The following FAM135A variants were observed in gnomAD, a reference collection of about 807,000 sequenced individuals.
FAM135A encodes protein FAM135A.
In FAM135A, 79 loss-of-function variants were observed where a neutral mutation model predicts 146.8. The ratio of observed to expected loss-of-function variants is 0.54; its 90% confidence interval spans 0.45 to 0.65. The LOEUF is 0.65. Ranked by LOEUF, FAM135A falls within the 30% of genes least tolerant of loss-of-function variation. The probability of loss-of-function intolerance (pLI) is 0.00; values close to 1 mark genes in which losing one functional copy is unlikely to be tolerated. For synonymous variants in FAM135A, 562 were observed against 603.6 expected, an observed-to-expected ratio of 0.93 and a Z score of 1.01; for missense variants, 1,623 against 1,758.2, an observed-to-expected ratio of 0.92 and a Z score of 1.38.
At position 70,526,161 on chromosome 6, in the gene FAM135A, C is replaced by T; in HGVS notation, c.3077C>T (p.Pro1026Leu). The T allele has an allele frequency of 6.2e-7, 1 of 1,613,474 alleles. No individual in the cohort carries two copies. Among genetic ancestry groups the T allele is most frequent in the Non-Finnish European group, 8.5e-7 (1 of 1,179,630 alleles). ...ESETHLGTSD[P>L]FSASTDIVKQ... ...GAAACTCATCTGGGTACAAGTGATC[C>T]TTTTTCAGCCAGTACTGATATAGTA... Residue 1026 changes from proline to leucine, a missense_variant, in exon 15 of 22, where the codon CCT (proline) becomes CTT (leucine). Pro to Leu is a moderately conservative substitution (Grantham distance 98, BLOSUM62 -3). Around this residue, in one of 7 missense-constraint regions of FAM135A, gnomAD observed 1,061 missense variants for 1,113.8 expected, o/e 0.95. Coordinates refer to ENST00000418814, the MANE Select transcript of FAM135A (RefSeq NM_001162529.3).
rs770617733 is a variant in FAM135A, at chr6:70,533,142, T to A, written c.3776-18T>A. ...TTTACTTTATCTCATCCTTTAAACATCATTTTTCATTTTTTAGGAAACAGT... is the reference window on the plus strand; with the variant it reads ...TTTACTTTATCTCATCCTTTAAACAACATTTTTCATTTTTTAGGAAACAGT... On this transcript the variant is annotated intron_variant, in intron 16 of 21. Transcript: ENST00000418814. 6.3e-7 allele frequency: 1 copy of A among 1,591,618 alleles called. No homozygotes were observed. The highest frequency in any genetic ancestry group is 8.6e-7 in the Non-Finnish European group (1 of 1,160,470).
intron 12 of FAM135A, among the ~76,000 whole-genome samples, chr6:70,514,306 A>G (rs886497709): frequency 6.6e-6 from 1 of 152,102 alleles, no homozygotes; most frequent in African/African-American, 2.4e-5. Context: ...CAGATATTAT[A>G]TATTTTACTT....
At chr6:70,497,480 C>T (rs888239903) in intron 11 of FAM135A, among the ~76,000 whole-genome samples, 4 of 152,120 alleles carry the variant, frequency 2.6e-5, no homozygotes, top group East Asian at 1.9e-4. Flanking sequence ...TATTTGAATA[C>T]GTTTTATTTC....
chr6:70,465,325 G>A (rs1185639179), intron 5 of FAM135A, among the ~76,000 whole-genome samples: 4 of 152,118 alleles, frequency 2.6e-5, no homozygotes, highest in African/African-American at 9.7e-5. Flanking sequence ...ATGCTTCAAT[G>A]AATGTGAGTG....
At chr6:70,549,627 A>G (rs926781237) in intron 20 of FAM135A, among the ~76,000 whole-genome samples, 1 of 152,188 alleles carries the variant, frequency 6.6e-6, no homozygotes, top group East Asian at 1.9e-4. Flanking sequence ...AAAAGTATGC[A>G]TACTTTAATT....
intron 10 of FAM135A, among the ~76,000 whole-genome samples, chr6:70,486,483 T>A (rs1009593427): frequency 2.0e-5 from 3 of 152,158 alleles, no homozygotes; most frequent in African/African-American, 7.2e-5. Context: ...CAAAACTCAC[T>A]GGCTTTTTTC....
intron 5 of FAM135A, among the ~76,000 whole-genome samples, chr6:70,458,039 C>G (rs1778709181): frequency 6.6e-6 from 1 of 152,048 alleles, no homozygotes; most frequent in South Asian, 2.1e-4. Context: ...TTGTGGCAGA[C>G]ACCAGTCTAT....
chr6:70,528,226 A>T, intron 15 of FAM135A, 66 bp from the exon 16 acceptor site: 1 of 1,453,914 alleles, frequency 6.9e-7, no homozygotes, highest in South Asian at 1.5e-5. Context: ...AATTCTCTAA[A>T]TTCAGGAGGG....
intron 10 of FAM135A, among the ~76,000 whole-genome samples, chr6:70,487,416 T>C (rs1001038828): frequency 5.3e-5 from 8 of 152,184 alleles, no homozygotes; most frequent in Admixed American, 2.0e-4. Context: ...TTTTAAAAAA[T>C]TATGAAAAGC....
intron 4 of FAM135A, among the ~76,000 whole-genome samples, chr6:70,430,423 A>G (rs1343727787): frequency 6.6e-6 from 1 of 152,204 alleles, no homozygotes; most frequent in Non-Finnish European, 1.5e-5. Context: ...TCCATTGGCC[A>G]AGCAAGTCAC....
Position 70,522,534 on chromosome 6 carries a change from T to C in FAM135A, c.1051T>C (p.Phe351Leu), listed in dbSNP as rs745961349. 1 of 1,613,826 alleles carries C rather than the reference T, an allele frequency of 6.2e-7. No homozygotes were observed. The highest frequency in any genetic ancestry group is 2.2e-5 in the East Asian group (1 of 44,862). Residue 351 changes from phenylalanine to leucine, a missense_variant, in exon 13 of 22, where the codon TTC becomes CTC. Phe to Leu is a conservative substitution (Grantham distance 22). Around this residue, in one of 7 missense-constraint regions of FAM135A, gnomAD observed 23 missense variants for 47.7 expected, o/e 0.48. Coordinates refer to ENST00000418814, the MANE Select transcript of FAM135A (RefSeq NM_001162529.3). The stretch of plus-strand genomic sequence containing the variant: ...TTAGGTACGCAGATTTTCTGAGGCA[T>C]TCTTTTGTTTTGAGCATCCAAGAGA... ...TLRVRRFSEA[F>L]FCFEHPREAA...
chr6:70,451,127 T>C (rs943480184), intron 4 of FAM135A, among the ~76,000 whole-genome samples: 9 of 152,154 alleles, frequency 5.9e-5, no homozygotes, highest in Admixed American at 5.9e-4. Context: ...ATTTTCTATT[T>C]CTGTGAAAAA....
At chr6:70,493,349 G>A (rs558469185) in intron 11 of FAM135A, among the ~76,000 whole-genome samples, 20 of 152,098 alleles carry the variant, frequency 1.3e-4, no homozygotes, top group African/African-American at 4.1e-4. Context: ...AAAAAGTGGC[G>A]TGACGAATAA....
At chr6:70,426,812 G>C (rs796260901) in intron 3 of FAM135A, 7 of 152,262 alleles carry the variant, frequency 4.6e-5, no homozygotes, top group African/African-American at 1.7e-4. Flanking sequence ...AGGGGAACCT[G>C]AGTCTTTTAG....
intron 10 of FAM135A, 80 bp from the exon 11 acceptor site, chr6:70,490,954 T>A: frequency 9.8e-7 from 1 of 1,017,740 alleles, no homozygotes; most frequent in Non-Finnish European, 1.4e-6. Context: ...TTCTTAATTT[T>A]CAGTTTTTTA....
intron 12 of FAM135A, among the ~76,000 whole-genome samples, chr6:70,506,502 A>C (rs1317572484): frequency 6.6e-6 from 1 of 152,140 alleles, no homozygotes; most frequent in Non-Finnish European, 1.5e-5. Flanking sequence ...GTGTTTCAAT[A>C]AAGTTTTATT....
intron 1 of FAM135A, among the ~76,000 whole-genome samples, chr6:70,414,441 C>A (rs1356281485): frequency 2.0e-5 from 3 of 152,220 alleles, no homozygotes; most frequent in African/African-American, 7.2e-5. Flanking sequence ...TGGCCCCTAT[C>A]CTCACGTCCT....
chr6:70,429,902 T>A (rs1040118280), intron 4 of FAM135A, among the ~76,000 whole-genome samples: 9 of 148,606 alleles, frequency 6.1e-5, no homozygotes, highest in African/African-American at 2.0e-4. Flanking sequence ...GATTCTCTAT[T>A]TTTTTTTTTT....
At chr6:70,436,908 A>G (rs978948716) in intron 4 of FAM135A, among the ~76,000 whole-genome samples, 3 of 152,206 alleles carry the variant, frequency 2.0e-5, no homozygotes, top group African/African-American at 7.2e-5. Context: ...GAAAACCAAA[A>G]AAGATTTAGT....
Sources: allele counts gnomAD v4.1 joint callset (sites outside exome capture counted in the v4.1 genomes callset), GRCh38; gene constraint gnomAD v4.1.1; regional missense constraint gnomAD v4.1.1; transcripts MANE v1.5; gene names NCBI Gene and HGNC (gene_info 2026-07-23, HGNC 2026-07-21).